The following RNF13 variants were observed in gnomAD, a reference collection of about 807,000 sequenced individuals.
RNF13 encodes ring finger protein 13.
Under a neutral mutation model 37.7 loss-of-function variants are expected in RNF13, and 19 were observed. That is an observed-to-expected ratio of 0.50 (90% CI 0.35 to 0.74). The LOEUF (loss-of-function observed/expected upper bound fraction) is 0.74. Among genes scored for constraint, RNF13 ranks in the 30% least tolerant of loss-of-function variants. The pLI, the probability that RNF13 is intolerant of heterozygous loss-of-function variation, is 0.01. For synonymous variants in RNF13, 144 were observed against 157.8 expected, an observed-to-expected ratio of 0.91 and a Z score of 0.65; for missense variants, 375 against 453.0, an observed-to-expected ratio of 0.83 and a Z score of 1.56.
intron 1 of RNF13, among the ~76,000 whole-genome samples, chr3:149,831,451 T>G (rs1721041994): frequency 6.6e-6 from 1 of 152,224 alleles, no homozygotes; most frequent in Non-Finnish European, 1.5e-5. Flanking sequence ...AAGATTTGAT[T>G]GCTCTGCTGT....
chr3:149,864,007 AATT>A (rs1181956260), intron 3 of RNF13, among the ~76,000 whole-genome samples: 8 of 91,018 alleles, frequency 8.8e-5, no homozygotes, highest in Non-Finnish European at 1.0e-4. Flanking sequence ...GTTTGATTGG[AATT>A]TTTTTTTTTT....
chr3:149,941,100 T>C (rs773918887), intron 8 of RNF13, among the ~76,000 whole-genome samples: 2 of 152,224 alleles, frequency 1.3e-5, no homozygotes, highest in Non-Finnish European at 2.9e-5. Context: ...TCGTTGTCAA[T>C]AGACATTTGG....
intron 1 of RNF13, among the ~76,000 whole-genome samples, chr3:149,820,029 A>G (rs1247015951): frequency 6.6e-6 from 1 of 152,104 alleles, no homozygotes; most frequent in African/African-American, 2.4e-5. Flanking sequence ...AAAACATTTA[A>G]ATGTTTATTG....
At chr3:149,960,018 G>A (rs1287366141) in intron 8 of RNF13, 38 bp from the exon 9 acceptor site, 2 of 1,416,658 alleles carry the variant, frequency 1.4e-6, no homozygotes, top group East Asian at 2.3e-5. Flanking sequence ...AAGTTTGAAA[G>A]GTGAAAAAAT....
At chr3:149,958,988 G>A (rs1272652241) in intron 8 of RNF13, among the ~76,000 whole-genome samples, 3 of 152,166 alleles carry the variant, frequency 2.0e-5, no homozygotes, top group East Asian at 3.8e-4. Flanking sequence ...AGAACTATCA[G>A]CACCTTTTTT....
chr3:149,882,877 A>G (rs1713585704), intron 4 of RNF13, among the ~76,000 whole-genome samples: 1 of 152,184 alleles, frequency 6.6e-6, no homozygotes, highest in African/African-American at 2.4e-5. Context: ...AATGCCCTCA[A>G]GACAAAAGCT....
At chr3:149,883,419 ATGTGTGTGTATG>A (rs1351607757) in intron 4 of RNF13, among the ~76,000 whole-genome samples, 9 of 151,982 alleles carry the variant, frequency 5.9e-5, no homozygotes, top group African/African-American at 9.7e-5. Context: ...GATCTTTAAA[ATGTGTGTGTATG>A]TGTGTGTGTA....
intron 2 of RNF13, among the ~76,000 whole-genome samples, chr3:149,849,836 T>G (rs1020245504): frequency 6.6e-6 from 1 of 152,200 alleles, no homozygotes; most frequent in Non-Finnish European, 1.5e-5. Flanking sequence ...TATTACTTTC[T>G]AAATTCAATT....
intron 4 of RNF13, among the ~76,000 whole-genome samples, chr3:149,893,596 A>G (rs983038271): frequency 2.0e-5 from 3 of 152,216 alleles, no homozygotes; most frequent in African/African-American, 7.2e-5. Context: ...ATGGTAATAT[A>G]ATGCAGAAAT....
intron 3 of RNF13, among the ~76,000 whole-genome samples, chr3:149,864,522 C>T (rs1724609450): frequency 6.6e-6 from 1 of 152,102 alleles, no homozygotes; most frequent in African/African-American, 2.4e-5. Flanking sequence ...AAGGCATTGT[C>T]CTCCAGAGCG....
chr3:149,932,905 C>T (rs1482406394), intron 8 of RNF13, among the ~76,000 whole-genome samples: 1 of 152,258 alleles, frequency 6.6e-6, no homozygotes, highest in Non-Finnish European at 1.5e-5. Context: ...CTCAATACTG[C>T]ACTAGCAGAG....
chr3:149,932,352 C>T (rs1341565303), intron 8 of RNF13, among the ~76,000 whole-genome samples: 2 of 152,126 alleles, frequency 1.3e-5, no homozygotes, highest in Non-Finnish European at 2.9e-5. Context: ...GTTCCTCTTG[C>T]GTAGTACAAT....
At position 149,873,341 on chromosome 3, in the gene RNF13, A is replaced by G. The variant is rs1011728877; in HGVS notation, c.321+1187A>G. 9.8e-5 allele frequency among the ~76,000 whole-genome samples: 15 copies of G among 152,300 alleles called. No individual in the cohort carries two copies. In the East Asian group the frequency reaches 2.9e-3, roughly 29 times the overall value. The stretch of plus-strand genomic sequence containing the variant: ...TATAGGCAGGGATGGCAGATGGTAC[A>G]CTTTGAAAATTAGGGAAATACTGTT... On this transcript the variant is annotated intron_variant, in intron 4 of 9. Coordinates refer to ENST00000392894, the MANE Select transcript of RNF13 (RefSeq NM_183381.3).
At chr3:149,847,763 A>G (rs1559904152) in intron 2 of RNF13, among the ~76,000 whole-genome samples, 2 of 152,216 alleles carry the variant, frequency 1.3e-5, no homozygotes, top group African/African-American at 4.8e-5. Context: ...TGGACTGATC[A>G]GGGAATAAAC....
At chr3:149,855,283 C>T (rs547297262) in intron 3 of RNF13, among the ~76,000 whole-genome samples, 1 of 152,242 alleles carries the variant, frequency 6.6e-6, no homozygotes, top group East Asian at 1.9e-4. Flanking sequence ...CAAGCCATTG[C>T]ACTCCAGCCT....
At chr3:149,951,231 TA>T (rs1721302935) in intron 8 of RNF13, among the ~76,000 whole-genome samples, 1 of 152,180 alleles carries the variant, frequency 6.6e-6, no homozygotes, top group Admixed American at 6.5e-5. Flanking sequence ...GGGTTTCTGC[TA>T]AGTTGTGACT....
chr3:149,860,300 T>TATATATAA (rs1467450547), intron 3 of RNF13, among the ~76,000 whole-genome samples: 24 of 128,724 alleles, frequency 1.9e-4, no homozygotes, highest in African/African-American at 4.1e-4. Flanking sequence ...TATATATATA[T>TATATATAA]AACGTGTATA....
intron 1 of RNF13, among the ~76,000 whole-genome samples, chr3:149,838,012 G>A (rs2108355816): frequency 6.6e-6 from 1 of 152,274 alleles, no homozygotes; most frequent in East Asian, 1.9e-4. Flanking sequence ...GGAGAAATTG[G>A]CCAAATCAAA....
chr3:149,906,618 G>A (rs77482052), intron 6 of RNF13, among the ~76,000 whole-genome samples: 1,995 of 136,806 alleles, frequency 0.015, 48 homozygotes, highest in African/African-American at 0.052. Flanking sequence ...CAAGAGTGTG[G>A]TATGTCCTTT....
Sources: allele counts gnomAD v4.1 joint callset (sites outside exome capture counted in the v4.1 genomes callset), GRCh38; gene constraint gnomAD v4.1.1; transcripts MANE v1.5; gene names NCBI Gene and HGNC (gene_info 2026-07-23, HGNC 2026-07-21).